TEKT1: variants seen among roughly 807,000 people sequenced by gnomAD.
TEKT1 encodes the protein tektin-1.
A neutral mutation model predicts 34.8 loss-of-function variants in TEKT1; 32 were observed. That is an observed-to-expected ratio of 0.92 (90% CI 0.69 to 1.23). The LOEUF (loss-of-function observed/expected upper bound fraction) is 1.23, where lower values mean the gene tolerates loss of function less well. TEKT1 is among the 50% of genes most tolerant of loss of function. The pLI is 0.00. For synonymous variants in TEKT1, 207 were observed against 199.8 expected (o/e 1.04, Z -0.30); for missense variants, 492 against 518.5 (o/e 0.95, Z 0.50).
rs1297085911 is a variant in TEKT1, at chr17:6,799,585, CT to C, written c.*441del. On this transcript the variant is annotated 3_prime_UTR_variant, in exon 8 of 8. Transcript: ENST00000338694. ...TGACTTGAATGAATGGAATTTTGTT[CT>C]TTTTCTTTATGTTATTTGAGTATTT... 1 of 153,738 alleles carries C rather than the reference CT, an allele frequency of 6.5e-6. No individual in the cohort carries two copies. The highest frequency in any genetic ancestry group is 1.4e-5 in the Non-Finnish European group (1 of 69,250). 9.5% of individuals were successfully genotyped at this position (153,738 alleles called of 1,614,324 possible).
intron 6 of TEKT1, 120 bp downstream of exon 6, chr17:6,812,711 C>T (rs969725002): frequency 1.5e-5 from 14 of 946,430 alleles, no homozygotes; most frequent in South Asian, 6.4e-5. Context: ...CCCTTACCCA[C>T]GAGTTAACCC....
At chr17:6,819,058 G>T in intron 3 of TEKT1, 135 bp downstream of exon 3, 2 of 1,086,766 alleles carry the variant, frequency 1.8e-6, no homozygotes, top group East Asian at 2.5e-5. Context: ...GGGGCATGCT[G>T]GGATAACTTC....
intron 2 of TEKT1, among the ~76,000 whole-genome samples, chr17:6,826,307 T>C (rs1249718075): frequency 6.6e-6 from 1 of 152,240 alleles, no homozygotes; most frequent in Non-Finnish European, 1.5e-5. Flanking sequence ...ATCTGCCTTT[T>C]TCTTTTGTAT....
chr17:6,819,592 G>A (rs1160909117), intron 2 of TEKT1, among the ~76,000 whole-genome samples: 1 of 152,184 alleles, frequency 6.6e-6, no homozygotes, highest in African/African-American at 2.4e-5. Context: ...TAGTTCTTCA[G>A]TGCCCACTGT....
Position 6,830,206 on chromosome 17 carries a change from G to A in TEKT1, c.171C>T (p.Ser57=), listed in dbSNP as rs1363513906. The change falls in exon 2 of 8, where the codon AGC becomes AGT. Residue 57 remains serine (S), a synonymous_variant. Coordinates refer to ENST00000338694, the MANE Select transcript of TEKT1 (RefSeq NM_053285.2). ...EIEKTTRKSQ[S]DVNKKLEQRL... ...TCTTACCTAGTTTCTTGTTCACATC[G>A]CTTTGAGATTTTCTTGTGGTCTTTT... The A allele has an allele frequency of 8.1e-6, 13 of 1,609,544 alleles. No homozygotes were observed. The highest frequency in any genetic ancestry group is 7.8e-5 in the South Asian group (7 of 89,846).
chr17:6,815,362 C>T lies in TEKT1; in HGVS notation c.486-56G>A, dbSNP rs960649152. 1.7e-5 allele frequency: 27 copies of T among 1,610,278 alleles called. No homozygotes were observed. The African/African-American group carries it at 1.9e-4, about 11-fold the overall frequency. On this transcript the variant is annotated intron_variant, in intron 4 of 7. Transcript: ENST00000338694. ...CTCTGGAGTGCCCAGGTGGCACCCA[C>T]GTCCTCAGAGAGGTCCTGGAAAGTG... is the stretch of plus-strand genomic sequence containing the variant.
intron 3 of TEKT1, among the ~76,000 whole-genome samples, chr17:6,817,258 C>G (rs1012167559): frequency 2.6e-5 from 4 of 151,836 alleles, no homozygotes; most frequent in Non-Finnish European, 4.4e-5. Flanking sequence ...GCCTGTAATC[C>G]TAGCTACTCA....
At chr17:6,824,010 G>A (rs1466700700) in intron 2 of TEKT1, among the ~76,000 whole-genome samples, 1 of 151,870 alleles carries the variant, frequency 6.6e-6, no homozygotes, top group Non-Finnish European at 1.5e-5. Context: ...TTTTAGTAGA[G>A]ACGAGGTCTC....
Position 6,819,276 on chromosome 17 carries a change from T to C in TEKT1, c.273A>G (p.Leu91=). ...TTTCCAATCTGATCTTATATATGAGTAGATCATCAGTTACATTCACAAGCT... is the reference window on the plus strand; with the variant it reads ...TTTCCAATCTGATCTTATATATGAGCAGATCATCAGTTACATTCACAAGCT... ...LEQLVNVTDD[L]LIYKIRLEKA... is the part of the protein sequence containing the mutation. The change falls in exon 3 of 8, where the codon CTA becomes CTG. Residue 91 remains leucine (L), a synonymous_variant. Transcript: ENST00000338694. 1.9e-6 allele frequency: 3 copies of C among 1,614,056 alleles called. No individual in the cohort carries two copies. Among genetic ancestry groups the C allele is most frequent in the Non-Finnish European group, 2.5e-6 (3 of 1,179,958 alleles).
In TEKT1 at chr17:6,811,927, A is replaced by T. The variant is rs1045445849; in HGVS notation, c.852+904T>A. On this transcript the variant is annotated intron_variant, in intron 6 of 7. Transcript: ENST00000338694. The surrounding 1 kb of genome is among the most constrained non-coding windows in gnomAD (Gnocchi z 4.4). ...CGATATCTGTGGTACAAATGCTCCCACTTTGTATTTGCAGTACAAATACTA... is the reference window on the plus strand; with the variant it reads ...CGATATCTGTGGTACAAATGCTCCCTCTTTGTATTTGCAGTACAAATACTA... Among the ~76,000 whole-genome samples the T allele has an allele frequency of 5.3e-5, 8 of 152,116 alleles. No homozygotes were observed. The highest frequency in any genetic ancestry group is 1.2e-4 in the Non-Finnish European group (8 of 68,002).
Position 6,815,727 on chromosome 17 carries a change from G to C in TEKT1, c.485+107C>G. The C allele has an allele frequency of 3.3e-6, 5 of 1,504,314 alleles. No homozygotes were observed. The South Asian group carries it at 6.5e-5, about 19-fold the overall frequency. The allele number at this position is 1,504,314 out of a possible 1,614,324, so 93.2% of individuals were successfully genotyped here. ...ATCTGGGGACACAAAGTGGGAGCGG[G>C]AATGTTGAACCCCTTTCTTTCTGTG... On this transcript the variant is annotated intron_variant, in intron 4 of 7. Coordinates refer to ENST00000338694, the MANE Select transcript of TEKT1 (RefSeq NM_053285.2).
intron 2 of TEKT1, among the ~76,000 whole-genome samples, chr17:6,824,402 A>G (rs545336523): frequency 3.3e-5 from 5 of 151,908 alleles, no homozygotes; most frequent in Admixed American, 6.6e-5. Context: ...TCTCCCTCTC[A>G]TCTTCATCAT....
At chr17:6,807,667 T>C (rs1976864720) in intron 6 of TEKT1, among the ~76,000 whole-genome samples, 1 of 152,220 alleles carries the variant, frequency 6.6e-6, no homozygotes, top group African/African-American at 2.4e-5. Flanking sequence ...CCTTTCTGTT[T>C]GTTAGTTTTT....
intron 2 of TEKT1, among the ~76,000 whole-genome samples, chr17:6,829,260 A>T (rs1597796024): frequency 6.6e-6 from 1 of 152,274 alleles, no homozygotes; most frequent in African/African-American, 2.4e-5. Context: ...AATTTTTCAC[A>T]TCTACTCCGC....
At chr17:6,804,665 C>T (rs1192395461) in intron 6 of TEKT1, among the ~76,000 whole-genome samples, 6 of 152,162 alleles carry the variant, frequency 3.9e-5, no homozygotes, top group Non-Finnish European at 7.3e-5. Flanking sequence ...GAGTTTTTAG[C>T]ATGAAGCGTT....
rs751352811 is a variant in TEKT1, at chr17:6,830,398, T to C, written c.-17-5A>G. ...CCATTTGAGGTTTCCAAATTCCTGA[T>C]CAAAAGCAGACTCTTTTAGATTAAA... On this transcript the variant is annotated splice_polypyrimidine_tract_variant and splice_region_variant and intron_variant, in intron 1 of 7. Coordinates refer to ENST00000338694, the MANE Select transcript of TEKT1 (RefSeq NM_053285.2). 9.1e-5 allele frequency: 139 copies of C among 1,531,852 alleles called. No individual in the cohort carries two copies. Among genetic ancestry groups the C allele is most frequent in the Non-Finnish European group, 1.2e-4 (136 of 1,141,658 alleles). The allele number at this position is 1,531,852 out of a possible 1,614,324, so 94.9% of individuals were successfully genotyped here. A position where few individuals can be genotyped will look rare whatever the true frequency, so the allele number is the denominator to read the frequency against.
At position 6,820,500 on chromosome 17, in the gene TEKT1, T is replaced by C. The variant is rs138328142; in HGVS notation, c.191-1142A>G. On this transcript the variant is annotated intron_variant, in intron 2 of 7. Transcript: ENST00000338694. ...TCTGTTTTAAAAAAAAATGTTATTG[T>C]ATATATTTGAGGTTTACAACATGAC... 5.8e-3 allele frequency among the ~76,000 whole-genome samples: 880 copies of C among 152,302 alleles called. 7 individuals are homozygous for C. The highest frequency in any genetic ancestry group is 0.017 in the Middle Eastern group (5 of 294).
intron 6 of TEKT1, among the ~76,000 whole-genome samples, chr17:6,803,835 A>T (rs538313772): frequency 1.3e-5 from 2 of 152,012 alleles, no homozygotes; most frequent in East Asian, 3.9e-4. Context: ...GTTTTGGTAC[A>T]AGTACCATGC....
rs975923713 is a variant in TEKT1 at position 6,798,062 on chromosome 17, T to C, written c.*1965A>G. On this transcript the variant is annotated 3_prime_UTR_variant, in exon 8 of 8. Transcript: ENST00000338694. ...CATTTTATGTCTACATGTTGAGAAATGGCCTCAACCATAATCAAAATCACA... is the reference window on the plus strand; with the variant it reads ...CATTTTATGTCTACATGTTGAGAAACGGCCTCAACCATAATCAAAATCACA... 6.6e-6 allele frequency: 1 copy of C among 152,224 alleles called. No homozygotes were observed. The highest frequency in any genetic ancestry group is 1.5e-5 in the Non-Finnish European group (1 of 68,032). The allele number at this position is 152,224 out of a possible 1,614,324, so 9.4% of individuals were successfully genotyped here. A position where few individuals can be genotyped will look rare whatever the true frequency, so the allele number is the denominator to read the frequency against.
Sources: gnomAD v4.1 joint callset for allele counts (sites outside exome capture counted in the v4.1 genomes callset) on GRCh38, gnomAD v4.1.1 for gene constraint, Gnocchi (gnomAD v3.1) non-coding constraint, MANE v1.5 for transcripts, NCBI Gene and HGNC (gene_info 2026-07-23, HGNC 2026-07-21) for gene names.